Variants in NIPBL observed in about 807,000 individuals in gnomAD.
The protein encoded by NIPBL is nipped-B-like protein.
NIPBL carries 19 observed loss-of-function variants against 321.8 expected under a neutral mutation model. That is an observed-to-expected ratio of 0.06 (90% CI 0.04 to 0.09). The LOEUF is 0.09. Ranked by LOEUF, NIPBL falls within the 10% of genes least tolerant of loss-of-function variation. NIPBL has a pLI of 1.00. For missense variants in NIPBL, 2,210 were observed against 3,327.0 expected (o/e 0.66, Z 8.26); for synonymous variants, 1,106 against 1,114.1 (o/e 0.99, Z 0.14).
chr5:36,953,252 C>T (rs1484317364), intron 1 of NIPBL, among the ~76,000 whole-genome samples: 1 of 152,126 alleles, frequency 6.6e-6, no homozygotes, highest in East Asian at 1.9e-4. Flanking sequence ...CAGTGCTTGT[C>T]GAGGTTGATC....
chr5:36,961,689 A>G (rs1197794237), intron 5 of NIPBL, 106 bp downstream of exon 5: 1 of 813,996 alleles, frequency 1.2e-6, no homozygotes, highest in Non-Finnish European at 2.1e-6. Context: ...TAGAGTTTAA[A>G]TAGTTGAAAT....
At chr5:36,905,174 G>A (rs571370799) in intron 1 of NIPBL, among the ~76,000 whole-genome samples, 1 of 152,260 alleles carries the variant, frequency 6.6e-6, no homozygotes, top group African/African-American at 2.4e-5. Context: ...ACAGAAATAT[G>A]TAGCTTGTCA....
chr5:36,891,488 G>C (rs1746329622), intron 1 of NIPBL, among the ~76,000 whole-genome samples: 1 of 152,144 alleles, frequency 6.6e-6, no homozygotes, highest in Admixed American at 6.5e-5. Flanking sequence ...ATGGTTAGTA[G>C]ATATGCAAAC....
chr5:36,889,986 C>T (rs1291057363), intron 1 of NIPBL, among the ~76,000 whole-genome samples: 1 of 151,044 alleles, frequency 6.6e-6, no homozygotes, highest in African/African-American at 2.4e-5. Context: ...ACTAAGTTTC[C>T]TATTAAATTT....
chr5:36,914,779 T>G (rs1424996089), intron 1 of NIPBL, among the ~76,000 whole-genome samples: 2 of 152,188 alleles, frequency 1.3e-5, no homozygotes, highest in Non-Finnish European at 2.9e-5. Context: ...CCATTTTTAT[T>G]TATTACTTTC....
chr5:37,013,423 T>C (rs1371070207), intron 21 of NIPBL, among the ~76,000 whole-genome samples: 1 of 144,308 alleles, frequency 6.9e-6, no homozygotes, highest in African/African-American at 2.6e-5. Flanking sequence ...GGGTGGCTGC[T>C]GGGCGGAGGG....
At chr5:36,962,326 A>C in intron 6 of NIPBL, 52 bp downstream of exon 6, 1 of 1,595,082 alleles carries the variant, frequency 6.3e-7, no homozygotes, top group Non-Finnish European at 8.6e-7. Context: ...CTTTAATTCC[A>C]AGCAAATTTG....
chr5:37,004,991 G>A (rs1174276770), intron 16 of NIPBL, among the ~76,000 whole-genome samples: 6 of 152,246 alleles, frequency 3.9e-5, no homozygotes, highest in South Asian at 2.1e-4. Context: ...CCAACCTGTG[G>A]CCCACTGGCC....
At chr5:36,945,949 GATTT>G (rs1185742557) in intron 1 of NIPBL, among the ~76,000 whole-genome samples, 1 of 151,962 alleles carries the variant, frequency 6.6e-6, no homozygotes, top group Admixed American at 6.6e-5. Context: ...GTACCACATA[GATTT>G]ATTTATTTAT....
chr5:36,876,992 G>A lies in NIPBL; in HGVS notation c.-266G>A. ...TGTTTGTGAGTGTTTCTATGTGGGA[G>A]AAGGAGGAGGAGGAGGAAGAAGAAG... On this transcript the variant is annotated 5_prime_UTR_variant, in exon 1 of 47. Coordinates refer to ENST00000282516, the MANE Select transcript of NIPBL (RefSeq NM_133433.4). 1 of 392,268 alleles carries A rather than the reference G, an allele frequency of 2.5e-6. No individual in the cohort carries two copies. Among genetic ancestry groups the A allele is most frequent in the Admixed American group, 4.4e-5 (1 of 22,500 alleles). The allele number at this position is 392,268 out of a possible 1,614,324, so 24.3% of individuals were successfully genotyped here. A position where few individuals can be genotyped will look rare whatever the true frequency, so the allele number is the denominator to read the frequency against.
intron 1 of NIPBL, among the ~76,000 whole-genome samples, chr5:36,934,087 T>C (rs1749981662): frequency 6.6e-6 from 1 of 152,120 alleles, no homozygotes; most frequent in Admixed American, 6.6e-5. Context: ...GTCATCATTT[T>C]AACTACATGA....
At chr5:36,907,595 T>G (rs1403431842) in intron 1 of NIPBL, among the ~76,000 whole-genome samples, 1 of 152,134 alleles carries the variant, frequency 6.6e-6, no homozygotes, top group Non-Finnish European at 1.5e-5. Flanking sequence ...GAAACTAAAA[T>G]GTATTTACTT....
chr5:36,967,522 CTTT>C (rs1385490837), intron 6 of NIPBL, among the ~76,000 whole-genome samples: 4 of 152,186 alleles, frequency 2.6e-5, no homozygotes, highest in African/African-American at 9.6e-5. Context: ...TTTCTTAACT[CTTT>C]TTATAAAGTT....
chr5:37,037,594 G>A (rs963461892), intron 33 of NIPBL, among the ~76,000 whole-genome samples: 2 of 149,964 alleles, frequency 1.3e-5, no homozygotes, highest in Admixed American at 6.6e-5. Context: ...GGCACCTACG[G>A]AAGTTGTTGA....
intron 1 of NIPBL, among the ~76,000 whole-genome samples, chr5:36,912,767 T>G (rs1359965131): frequency 1.3e-5 from 2 of 152,180 alleles, no homozygotes; most frequent in Non-Finnish European, 2.9e-5. Context: ...CCCAGAGTGC[T>G]GGGATTACAG....
chr5:37,012,456 ATTTTTTT>A (rs763144789), intron 21 of NIPBL, among the ~76,000 whole-genome samples: 2 of 107,200 alleles, frequency 1.9e-5, no homozygotes, highest in African/African-American at 4.0e-5. Flanking sequence ...TCTTTCTCCA[ATTTTTTT>A]TTTTTTTTTT....
chr5:36,928,281 C>G (rs1749516136), intron 1 of NIPBL, among the ~76,000 whole-genome samples: 1 of 152,174 alleles, frequency 6.6e-6, no homozygotes, highest in Non-Finnish European at 1.5e-5. Context: ...ATGCAGGTGA[C>G]AGTTTGTAAG....
chr5:36,973,636 T>A (rs1004737606), intron 8 of NIPBL, among the ~76,000 whole-genome samples: 3 of 151,836 alleles, frequency 2.0e-5, no homozygotes, highest in Non-Finnish European at 4.4e-5. Context: ...CCCGGGTGAT[T>A]TTTTTTGTAT....
Position 36,976,382 on chromosome 5 carries a change from C to A in NIPBL, c.1475C>A (p.Ser492Ter). 6.2e-7 allele frequency: 1 copy of A among 1,608,124 alleles called. No individual in the cohort carries two copies. The highest frequency in any genetic ancestry group is 1.1e-5 in the South Asian group (1 of 91,058). Residue 492 changes from serine to a stop codon, truncating the protein, a stop_gained, in exon 9 of 47, where the codon TCA becomes TAA. Coordinates refer to ENST00000282516, the MANE Select transcript of NIPBL (RefSeq NM_133433.4). LOFTEE classifies it high-confidence loss of function. ...TCAGCTATTGAAAGGGAGCGCTTCT[C>A]AAAAGAAGTTCAAGATAAAGGTAAA... ...RESAIERERF[S>*]KEVQDKDKPL... is the part of the protein sequence containing the mutation.
Sources: gnomAD v4.1 joint callset for allele counts (sites outside exome capture counted in the v4.1 genomes callset) on GRCh38, gnomAD v4.1.1 for gene constraint, MANE v1.5 for transcripts, NCBI Gene and HGNC (gene_info 2026-07-23, HGNC 2026-07-21) for gene names.